The following ZRANB3 variants were observed in gnomAD, a reference collection of about 807,000 sequenced individuals.
ZRANB3 encodes the protein zinc finger RANBP2-type containing 3.
ZRANB3 carries 125 observed loss-of-function variants against 133.8 expected under a neutral mutation model. The observed-to-expected ratio is 0.93, with a 90% CI of 0.81 to 1.08. The LOEUF is 1.08. Among genes scored for constraint, ZRANB3 ranks in the 50% least tolerant of loss-of-function variants. ZRANB3 has a pLI of 0.00. For synonymous variants in ZRANB3, 387 were observed against 432.7 expected (o/e 0.89, Z 1.31); for missense variants, 1,229 against 1,275.5 (o/e 0.96, Z 0.56).
chr2:135,333,266 T>C (rs1463570995), intron 6 of ZRANB3, among the ~76,000 whole-genome samples: 1 of 152,078 alleles, frequency 6.6e-6, no homozygotes, highest in East Asian at 1.9e-4. Flanking sequence ...AGGCAAACTC[T>C]CAACTTCCTG....
chr2:135,431,005 C>G (rs75512079), intron 2 of ZRANB3, among the ~76,000 whole-genome samples: 1 of 151,748 alleles, frequency 6.6e-6, no homozygotes, highest in Non-Finnish European at 1.5e-5. Context: ...CTTGAATCAA[C>G]GGCTCATGCC....
intron 3 of ZRANB3, among the ~76,000 whole-genome samples, chr2:135,388,495 C>A (rs1191572650): frequency 1.3e-5 from 2 of 152,114 alleles, no homozygotes; most frequent in Non-Finnish European, 2.9e-5. Context: ...CCATGACTTA[C>A]TTGTGGAAAT....
At chr2:135,310,183 T>G (rs1210628038) in intron 8 of ZRANB3, among the ~76,000 whole-genome samples, 1 of 152,128 alleles carries the variant, frequency 6.6e-6, no homozygotes, top group East Asian at 1.9e-4. Flanking sequence ...GTGATCCACC[T>G]GCCTCGGCCT....
chr2:135,251,990 G>A lies in ZRANB3; in HGVS notation c.1539+13544C>T, dbSNP rs559123847. Among the ~76,000 whole-genome samples the A allele has an allele frequency of 5.9e-5, 9 of 152,302 alleles. No homozygotes were observed. The South Asian group carries it at 6.2e-4, about 11-fold the overall frequency. On this transcript the variant is annotated intron_variant, in intron 12 of 20. Coordinates refer to ENST00000264159, the MANE Select transcript of ZRANB3 (RefSeq NM_032143.4). ...GCGGAGGCTGCATTGAGCCTGGATC[G>A]TGCCACTGCACTCCAGCCTGGCGAC...
intron 1 of ZRANB3, among the ~76,000 whole-genome samples, chr2:135,519,649 A>T (rs926553246): frequency 6.6e-6 from 1 of 152,240 alleles, no homozygotes; most frequent in Non-Finnish European, 1.5e-5. Flanking sequence ...ATATCCTATG[A>T]AAAGTAATCA....
intron 12 of ZRANB3, among the ~76,000 whole-genome samples, chr2:135,246,416 G>A (rs1695805447): frequency 6.6e-6 from 1 of 152,046 alleles, no homozygotes; most frequent in African/African-American, 2.4e-5. Flanking sequence ...TAGTAGAGCT[G>A]GCAACATTGC....
chr2:135,493,293 G>C (rs1692499855), intron 2 of ZRANB3, among the ~76,000 whole-genome samples: 1 of 149,814 alleles, frequency 6.7e-6, no homozygotes. Flanking sequence ...AAAACTTGAT[G>C]AAGTTAATTT....
intron 2 of ZRANB3, among the ~76,000 whole-genome samples, chr2:135,426,620 G>A (rs1399272705): frequency 2.6e-5 from 4 of 151,230 alleles, no homozygotes; most frequent in African/African-American, 2.4e-5. Flanking sequence ...ACGAGGTCAG[G>A]AGATGGAGAA....
chr2:135,272,781 A>G (rs897380852), intron 9 of ZRANB3, among the ~76,000 whole-genome samples: 1 of 152,130 alleles, frequency 6.6e-6, no homozygotes, highest in South Asian at 2.1e-4. Flanking sequence ...ACCCACACAC[A>G]TTTTTGAAAA....
chr2:135,415,430 A>C (rs989873578), intron 2 of ZRANB3, among the ~76,000 whole-genome samples: 1 of 152,206 alleles, frequency 6.6e-6, no homozygotes, highest in Non-Finnish European at 1.5e-5. Flanking sequence ...CTCTGAACAG[A>C]CCAATAACAA....
At chr2:135,479,726 G>A (rs966456189) in intron 2 of ZRANB3, among the ~76,000 whole-genome samples, 3 of 151,896 alleles carry the variant, frequency 2.0e-5, no homozygotes, top group African/African-American at 7.3e-5. Context: ...GACACGGAGA[G>A]CCAAGTCTCT....
intron 1 of ZRANB3, chr2:135,511,129 GAGGTATCCCAGTAACTGGAAC>G: frequency 1.3e-6 from 1 of 771,058 alleles, no homozygotes; most frequent in Admixed American, 1.7e-5. Context: ...CCAACATAAG[GAGGTATCCCAGTAACTGGAAC>G]AGCTCCACTG....
chr2:135,522,323 G>A (rs994648086), intron 1 of ZRANB3, among the ~76,000 whole-genome samples: 1 of 152,136 alleles, frequency 6.6e-6, no homozygotes, highest in African/African-American at 2.4e-5. Flanking sequence ...ATTGGGTGGA[G>A]GCCAACAGCT....
rs1439287155 is a variant in ZRANB3 at position 135,200,262 on chromosome 2, A to G, written c.*80T>C. The G allele has an allele frequency of 4.9e-6, 6 of 1,212,714 alleles. No homozygotes were observed. Among genetic ancestry groups the G allele is most frequent in the Non-Finnish European group, 7.0e-6 (6 of 855,564 alleles). 75.1% of individuals were successfully genotyped at this position (1,212,714 alleles called of 1,614,324 possible). A position where few individuals can be genotyped will look rare whatever the true frequency, so the allele number is the denominator to read the frequency against. ...TTCTGAAAATTTTTACTCTCGATAT[A>G]TTAAACAAACATGGAAAACTTCTGT... is the stretch of plus-strand genomic sequence containing the variant. On this transcript the variant is annotated 3_prime_UTR_variant, in exon 21 of 21. Coordinates refer to ENST00000264159, the MANE Select transcript of ZRANB3 (RefSeq NM_032143.4).
Position 135,253,668 on chromosome 2 carries a change from G to A in ZRANB3, c.1539+11866C>T, listed in dbSNP as rs190049525. 5.1e-4 allele frequency among the ~76,000 whole-genome samples: 78 copies of A among 152,300 alleles called. 1 individual carries two copies. The highest frequency in any genetic ancestry group is 1.6e-3 in the Admixed American group (24 of 15,288). On this transcript the variant is annotated intron_variant, in intron 12 of 20. Transcript: ENST00000264159. ...ACTGTATCACATGGTGAGCATTTGT[G>A]TATCTAAACATAGAAAGGGTAATAC...
At chr2:135,275,031 A>T (rs2105125165) in intron 9 of ZRANB3, among the ~76,000 whole-genome samples, 1 of 152,348 alleles carries the variant, frequency 6.6e-6, no homozygotes, top group East Asian at 1.9e-4. Flanking sequence ...TTCTTTCTAC[A>T]CAGACACAGC....
rs193093509 is a variant in ZRANB3, at chr2:135,269,614, G to A, written c.1207-473C>T. On this transcript the variant is annotated intron_variant, in intron 10 of 20. Coordinates refer to ENST00000264159, the MANE Select transcript of ZRANB3 (RefSeq NM_032143.4). ...CTTTCTTCCTGTGATGTTATATTCC[G>A]AAGACCTGAAATTTACTGCCTATGT... Among the ~76,000 whole-genome samples the A allele has an allele frequency of 1.4e-4, 21 of 152,226 alleles. No individual in the cohort carries two copies. The East Asian group carries it at 3.5e-3, about 25-fold the overall frequency.
At chr2:135,477,213 G>C (rs1467620415) in intron 2 of ZRANB3, among the ~76,000 whole-genome samples, 1 of 152,172 alleles carries the variant, frequency 6.6e-6, no homozygotes, top group African/African-American at 2.4e-5. Context: ...GAGAAAGAAG[G>C]ATGGATATGC....
At chr2:135,418,377 T>C (rs72984500) in intron 2 of ZRANB3, among the ~76,000 whole-genome samples, 6,754 of 152,270 alleles carry the variant, frequency 0.044, 503 homozygotes, top group African/African-American at 0.16. Flanking sequence ...ACTATTGTTT[T>C]GTAGTTTTTA....
Sources: gnomAD v4.1 joint callset for allele counts (sites outside exome capture counted in the v4.1 genomes callset) on GRCh38, gnomAD v4.1.1 for gene constraint, MANE v1.5 for transcripts, NCBI Gene and HGNC (gene_info 2026-07-23, HGNC 2026-07-21) for gene names.